The following ZYG11B variants were observed in gnomAD, a reference collection of about 807,000 sequenced individuals.
ZYG11B encodes the protein protein zyg-11 homolog B.
A neutral mutation model predicts 82.4 loss-of-function variants in ZYG11B; 36 were observed. That is an observed-to-expected ratio of 0.44 (90% CI 0.33 to 0.58). The LOEUF (loss-of-function observed/expected upper bound fraction) is 0.58. ZYG11B is among the 20% of genes least tolerant of loss of function. ZYG11B has a pLI of 0.02. For missense variants in ZYG11B, 552 were observed against 895.6 expected, an observed-to-expected ratio of 0.62 and a Z score of 4.90; for synonymous variants, 303 against 312.8, an observed-to-expected ratio of 0.97 and a Z score of 0.33.
rs1233157116 is a variant in ZYG11B, at chr1:52,821,548, T to C, written c.2154T>C (p.Ile718=). 1 of 1,614,136 alleles carries C rather than the reference T, an allele frequency of 6.2e-7. No homozygotes were observed. Among genetic ancestry groups the C allele is most frequent in the African/African-American group, 1.3e-5 (1 of 75,034 alleles). ...DPHVQQIAVA[I]LDSLEKHIVR... is the part of the protein sequence containing the mutation. ...ATGTCCAACAGATTGCTGTGGCCAT[T>C]CTGGATAGCTTAGAAAAACACATTG... The change falls in exon 14 of 14, where the codon ATT becomes ATC. Residue 718 remains isoleucine, a synonymous_variant. Coordinates refer to ENST00000294353, the MANE Select transcript of ZYG11B (RefSeq NM_024646.3).
At chr1:52,741,330 G>GAA (rs1373877574) in intron 1 of ZYG11B, among the ~76,000 whole-genome samples, 1 of 100,396 alleles carries the variant, frequency 1.0e-5, no homozygotes, top group Non-Finnish European at 2.2e-5. Flanking sequence ...GAAAAGAAAA[G>GAA]AAAGTTTTTT....
At chr1:52,797,001 AT>A (rs1645018919) in intron 8 of ZYG11B, among the ~76,000 whole-genome samples, 19 of 52,026 alleles carry the variant, frequency 3.7e-4, no homozygotes, top group East Asian at 1.6e-3. Context: ...TTATATAAAT[AT>A]ATTATATATT....
In ZYG11B at chr1:52,795,673, C is replaced by T. The variant is rs181145287; in HGVS notation, c.1335-619C>T. Among the ~76,000 whole-genome samples the T allele has an allele frequency of 2.4e-3, 371 of 152,258 alleles. 1 individual carries two copies. Among genetic ancestry groups the T allele is most frequent in the Non-Finnish European group, 4.0e-3 (272 of 68,012 alleles). On this transcript the variant is annotated intron_variant, in intron 6 of 13. Transcript: ENST00000294353. ...CCTCAAAAGTTTCAATGAGGCCTTC[C>T]GTAGCCACCCTACATAAAATTTCAA...
chr1:52,738,985 C>CTTTTTTTTTTTTTTTTTTT lies in ZYG11B; in HGVS notation c.30+12315_30+12316insTTTTTTTTTTTTTTTTTTT, dbSNP rs10643364. ...ATTTTCATTTCATAGGCCCTGTAAC[C>CTTTTTTTTTTTTTTTTTTT]TTTTTTTTTTTTTGGAGACAGAGTC... On this transcript the variant is annotated intron_variant, in intron 1 of 13. Coordinates refer to ENST00000294353, the MANE Select transcript of ZYG11B (RefSeq NM_024646.3). Among the ~76,000 whole-genome samples the CTTTTTTTTTTTTTTTTTTT allele has an allele frequency of 2.8e-5, 3 of 106,308 alleles. 1 individual carries two copies. Among genetic ancestry groups the CTTTTTTTTTTTTTTTTTTT allele is most frequent in the African/African-American group, 1.2e-4 (3 of 25,176 alleles). 69.7% of individuals were successfully genotyped at this position (106,308 alleles called of 152,430 possible).
chr1:52,810,249 T>G (rs1645171879), intron 10 of ZYG11B, among the ~76,000 whole-genome samples: 1 of 152,180 alleles, frequency 6.6e-6, no homozygotes, highest in South Asian at 2.1e-4. Context: ...TGAGAATATG[T>G]GAGAACATGC....
chr1:52,759,571 G>A (rs1265249131), intron 2 of ZYG11B, among the ~76,000 whole-genome samples: 1 of 152,012 alleles, frequency 6.6e-6, no homozygotes, highest in African/African-American at 2.4e-5. Flanking sequence ...AAAATAACTT[G>A]TTGTCCCTAA....
rs769770464 is a variant in ZYG11B, at chr1:52,821,421, T to G, written c.2045-18T>G. The G allele has an allele frequency of 1.7e-5, 26 of 1,513,490 alleles. No homozygotes were observed. Among genetic ancestry groups the G allele is most frequent in the South Asian group, 9.2e-5 (7 of 76,246 alleles). The allele number at this position is 1,513,490 out of a possible 1,614,324, so 93.8% of individuals were successfully genotyped here. On this transcript the variant is annotated intron_variant, in intron 13 of 13. Coordinates refer to ENST00000294353, the MANE Select transcript of ZYG11B (RefSeq NM_024646.3). ...AGCTATTTCTCCTGTTTTGTGTGTG[T>G]TTTTTTTTCTTTTTCAGCTTCAAGG... is the stretch of plus-strand genomic sequence containing the variant.
At chr1:52,776,229 A>AAAAATATATATATATATATAT in intron 3 of ZYG11B, among the ~76,000 whole-genome samples, 10 of 23,532 alleles carry the variant, frequency 4.2e-4, no homozygotes, top group Non-Finnish European at 9.2e-4. Context: ...TAAAAAAAAA[A>AAAAATATATATATATATATAT]ATATATATAT....
chr1:52,753,480 C>T (rs930409533), intron 1 of ZYG11B, among the ~76,000 whole-genome samples: 2 of 149,562 alleles, frequency 1.3e-5, no homozygotes, highest in African/African-American at 4.9e-5. Flanking sequence ...CGTGCAATGG[C>T]GTGATCTTGG....
chr1:52,800,927 A>G, intron 8 of ZYG11B, among the ~76,000 whole-genome samples: 1 of 152,162 alleles, frequency 6.6e-6, no homozygotes, highest in East Asian at 1.9e-4. Context: ...ATGTTCATTA[A>G]TGTTTTCTTA....
intron 2 of ZYG11B, among the ~76,000 whole-genome samples, chr1:52,769,280 T>A (rs1644726022): frequency 1.3e-5 from 2 of 152,160 alleles, no homozygotes; most frequent in African/African-American, 4.8e-5. Context: ...CTACATTGTT[T>A]AATCGAAATG....
In ZYG11B at chr1:52,772,126, TTTTTTGTTTTTG is replaced by T. The variant is rs925819858; in HGVS notation, c.951+363_951+374del. ...ATTTTGAACCATTTACATATATGGT[TTTTTTGTTTTTG>T]TTTTTGTTTTATTTTAGTTAAACAA... On this transcript the variant is annotated intron_variant, in intron 3 of 13. Transcript: ENST00000294353. The T allele has an allele frequency of 1.6e-5, 17 of 1,047,040 alleles. No individual in the cohort carries two copies. In the South Asian group the frequency reaches 1.9e-4, roughly 12 times the overall value. The allele number at this position is 1,047,040 out of a possible 1,614,324, so 64.9% of individuals were successfully genotyped here. A position where few individuals can be genotyped will look rare whatever the true frequency, so the allele number is the denominator to read the frequency against.
At chr1:52,767,056 A>G (rs917262153) in intron 2 of ZYG11B, among the ~76,000 whole-genome samples, 42 of 147,538 alleles carry the variant, frequency 2.8e-4, no homozygotes, top group African/African-American at 8.8e-4. Flanking sequence ...ATTTTATTTT[A>G]TGTTATTTTT....
intron 1 of ZYG11B, among the ~76,000 whole-genome samples, chr1:52,746,691 T>TTTTTTTTG (rs1644479722): frequency 9.1e-6 from 1 of 109,530 alleles, no homozygotes; most frequent in Non-Finnish European, 1.9e-5. Flanking sequence ...GCCACTGTTT[T>TTTTTTTTG]TTTTTTTTTT....
At chr1:52,744,088 C>CA (rs1038603198) in intron 1 of ZYG11B, among the ~76,000 whole-genome samples, 4 of 152,096 alleles carry the variant, frequency 2.6e-5, no homozygotes, top group Non-Finnish European at 5.9e-5. Context: ...AGGCACAAGC[C>CA]ACCACACCCA....
chr1:52,818,009 C>T (rs765804336), intron 13 of ZYG11B, among the ~76,000 whole-genome samples: 107 of 148,584 alleles, frequency 7.2e-4, no homozygotes, highest in South Asian at 1.7e-3. Context: ...GGCTAATTTT[C>T]GTATTTTTAG....
chr1:52,810,993 C>G (rs545640437), intron 10 of ZYG11B, among the ~76,000 whole-genome samples: 2 of 146,966 alleles, frequency 1.4e-5, no homozygotes, highest in African/African-American at 5.1e-5. Context: ...GAGATCCTGC[C>G]ATTGCACTCC....
chr1:52,811,792 A>G (rs796191916), intron 10 of ZYG11B, among the ~76,000 whole-genome samples: 2 of 151,998 alleles, frequency 1.3e-5, no homozygotes, highest in African/African-American at 4.8e-5. Context: ...GCACTTTGGG[A>G]GGCCAAGGCG....
In ZYG11B at chr1:52,821,506, T is replaced by C; in HGVS notation, c.2112T>C (p.His704=). The C allele has an allele frequency of 6.2e-7, 1 of 1,614,114 alleles. No homozygotes were observed. Among genetic ancestry groups the C allele is most frequent in the South Asian group, 1.1e-5 (1 of 91,076 alleles). ...AGCATTTATACAACATCAAAGATCA[T>C]GAACATACTGATCCCCATGTCCAAC... The part of the protein sequence containing the change: ...GLQHLYNIKD[H]EHTDPHVQQI... The change falls in exon 14 of 14, where the codon CAT becomes CAC. Residue 704 remains histidine, a synonymous_variant. Transcript: ENST00000294353.
Sources: gnomAD v4.1 joint callset for allele counts (sites outside exome capture counted in the v4.1 genomes callset) on GRCh38, gnomAD v4.1.1 for gene constraint, MANE v1.5 for transcripts, NCBI Gene and HGNC (gene_info 2026-07-23, HGNC 2026-07-21) for gene names.